The following SH3PXD2B variants were observed in gnomAD, a reference collection of about 807,000 sequenced individuals.
The protein encoded by SH3PXD2B is SH3 and PX domain-containing protein 2B.
SH3PXD2B carries 37 observed loss-of-function variants against 73.1 expected under a neutral mutation model. The ratio of observed to expected loss-of-function variants is 0.51; its 90% confidence interval spans 0.39 to 0.67. The LOEUF (loss-of-function observed/expected upper bound fraction) is 0.67. SH3PXD2B is among the 30% of genes least tolerant of loss of function. The probability of loss-of-function intolerance (pLI) is 0.00; values close to 1 mark genes in which losing one functional copy is unlikely to be tolerated. For missense variants in SH3PXD2B, 1,053 were observed against 1,197.8 expected, an observed-to-expected ratio of 0.88 and a Z score of 1.78; for synonymous variants, 457 against 480.5, an observed-to-expected ratio of 0.95 and a Z score of 0.64.
intron 5 of SH3PXD2B, 106 bp downstream of exon 5, chr5:172,381,930 C>T (rs549008637): frequency 8.8e-5 from 74 of 840,214 alleles, no homozygotes; most frequent in Admixed American, 7.0e-4. Flanking sequence ...GGGGCTCAGC[C>T]GACGAAACCC....
At chr5:172,450,521 GA>G (rs1759771681) in intron 1 of SH3PXD2B, among the ~76,000 whole-genome samples, 1 of 152,032 alleles carries the variant, frequency 6.6e-6, no homozygotes, top group African/African-American at 2.4e-5. Flanking sequence ...ATACCCATTT[GA>G]AAGGGACCCA....
chr5:172,376,508 C>T (rs1016871552), intron 5 of SH3PXD2B, among the ~76,000 whole-genome samples: 6 of 152,114 alleles, frequency 3.9e-5, no homozygotes, highest in Non-Finnish European at 7.4e-5. Context: ...GGTTTTTAAC[C>T]ACCATGTAAT....
intron 1 of SH3PXD2B, among the ~76,000 whole-genome samples, chr5:172,439,269 ACAAAAACAAAAC>A (rs1561583475): frequency 0.029 from 2,169 of 74,758 alleles, 130 homozygotes; most frequent in African/African-American, 0.098. Flanking sequence ...AAAAACAAAA[ACAAAAACAAAAC>A]AAAAAAAAAA....
intron 10 of SH3PXD2B, among the ~76,000 whole-genome samples, chr5:172,348,666 T>TCTATC (rs1554135146): frequency 1.0e-3 from 42 of 40,430 alleles, no homozygotes; most frequent in African/African-American, 3.1e-3. Flanking sequence ...TATCTATCTA[T>TCTATC]CTATCTATCT....
rs749255187 is a variant in SH3PXD2B at position 172,353,878 on chromosome 5, C to T, written c.785+10G>A. The T allele has an allele frequency of 6.0e-5, 96 of 1,608,970 alleles. No individual in the cohort carries two copies. In the South Asian group the frequency reaches 8.0e-4, roughly 13 times the overall value. ...CCCACCCAGCAACCGTGGGGGGCAG[C>T]GGCTGGTACCTGATCTTCCACCAGC... On this transcript the variant is annotated intron_variant, in intron 9 of 12. Coordinates refer to ENST00000311601, the MANE Select transcript of SH3PXD2B (RefSeq NM_001017995.3). This position sits in a 1 kb window ranked among gnomAD's most constrained non-coding sequence, Gnocchi z 4.3.
Position 172,334,757 on chromosome 5 carries a change from T to A in SH3PXD2B, c.*3612A>T. 1.0e-6 allele frequency: 1 copy of A among 985,464 alleles called. No individual in the cohort carries two copies. Among genetic ancestry groups the A allele is most frequent in the Non-Finnish European group, 1.2e-6 (1 of 829,942 alleles). 61.0% of individuals were successfully genotyped at this position (985,464 alleles called of 1,614,324 possible). On this transcript the variant is annotated 3_prime_UTR_variant, in exon 13 of 13. Coordinates refer to ENST00000311601, the MANE Select transcript of SH3PXD2B (RefSeq NM_001017995.3). ...GGGTACTTGGGAGAGGCGAAATAAA[T>A]ACCAGACTGTCCACTCCTCAGCCTA...
At chr5:172,389,568 C>CAAAAAAAAAAA (rs34351709) in intron 4 of SH3PXD2B, among the ~76,000 whole-genome samples, 1 of 103,618 alleles carries the variant, frequency 9.7e-6, no homozygotes, top group Non-Finnish European at 1.9e-5. Flanking sequence ...TCATCTCTAC[C>CAAAAAAAAAAA]AAAAAAAAAA....
At position 172,336,801 on chromosome 5, in the gene SH3PXD2B, C is replaced by T. The variant is rs1287651195; in HGVS notation, c.*1568G>A. ...GGGCTGGGAGCTAGAAATGCTGGGT[C>T]CTGATTTTGCTTCTGCAGTGATTTA... On this transcript the variant is annotated 3_prime_UTR_variant, in exon 13 of 13. Coordinates refer to ENST00000311601, the MANE Select transcript of SH3PXD2B (RefSeq NM_001017995.3). The T allele has an allele frequency of 1.0e-6, 1 of 985,580 alleles. No homozygotes were observed. Among genetic ancestry groups the T allele is most frequent in the East Asian group, 1.1e-4 (1 of 8,820 alleles). 61.1% of individuals were successfully genotyped at this position (985,580 alleles called of 1,614,324 possible).
At chr5:172,367,665 A>G (rs1411704478) in intron 6 of SH3PXD2B, among the ~76,000 whole-genome samples, 1 of 151,988 alleles carries the variant, frequency 6.6e-6, no homozygotes, top group Non-Finnish European at 1.5e-5. Context: ...TTGGAATAAG[A>G]CTCCTTTATA....
chr5:172,416,731 T>C (rs939242920), intron 2 of SH3PXD2B, among the ~76,000 whole-genome samples: 3 of 129,144 alleles, frequency 2.3e-5, no homozygotes, highest in Non-Finnish European at 3.2e-5. Context: ...TTTTTTGATA[T>C]AGGGTCTTGC....
intron 3 of SH3PXD2B, among the ~76,000 whole-genome samples, chr5:172,402,372 G>A (rs937737888): frequency 4.6e-5 from 7 of 151,980 alleles, no homozygotes; most frequent in African/African-American, 7.2e-5. Flanking sequence ...ATTTTGCCCC[G>A]GTCCTGTGAT....
intron 1 of SH3PXD2B, among the ~76,000 whole-genome samples, chr5:172,438,076 G>C (rs10067250): frequency 0.38 from 57,171 of 152,010 alleles, 10,863 homozygotes; most frequent in South Asian, 0.41. Context: ...TTAGGGGCCT[G>C]TGCAGTCTGC....
rs1756733208 is a variant in SH3PXD2B at position 172,337,534 on chromosome 5, G to A, written c.*835C>T. ...GGGTGCTCACAAGGGCACGACTTGT[G>A]AATGGGCCTCTTATTCAAACAAACT... On this transcript the variant is annotated 3_prime_UTR_variant, in exon 13 of 13. Coordinates refer to ENST00000311601, the MANE Select transcript of SH3PXD2B (RefSeq NM_001017995.3). 1.0e-6 allele frequency: 1 copy of A among 985,586 alleles called. No homozygotes were observed. Among genetic ancestry groups the A allele is most frequent in the Non-Finnish European group, 1.2e-6 (1 of 830,032 alleles). 61.1% of individuals were successfully genotyped at this position (985,586 alleles called of 1,614,324 possible).
At chr5:172,425,506 A>G (rs1759074133) in intron 1 of SH3PXD2B, among the ~76,000 whole-genome samples, 1 of 152,110 alleles carries the variant, frequency 6.6e-6, no homozygotes, top group Admixed American at 6.5e-5. Context: ...AGAGCTGAGG[A>G]AAGGGCGTAC....
At chr5:172,376,196 T>C (rs1757817972) in intron 5 of SH3PXD2B, among the ~76,000 whole-genome samples, 1 of 152,038 alleles carries the variant, frequency 6.6e-6, no homozygotes, top group South Asian at 2.1e-4. Context: ...CGCCTGGCTC[T>C]TTTTGTATTT....
intron 8 of SH3PXD2B, among the ~76,000 whole-genome samples, chr5:172,357,258 T>C (rs1757301490): frequency 6.6e-6 from 1 of 151,634 alleles, no homozygotes; most frequent in South Asian, 2.1e-4. Context: ...ACCCCGTTTC[T>C]ACTAAAAATA....
chr5:172,329,059 G>GTGTGTATATATATA, downstream of SH3PXD2B, among the ~76,000 whole-genome samples: 1 of 96,892 alleles, frequency 1.0e-5, no homozygotes, highest in African/African-American at 4.3e-5. Flanking sequence ...GTGTGTGTGT[G>GTGTGTATATATATA]TATATATATA....
rs148738159 is a variant in SH3PXD2B at position 172,339,119 on chromosome 5, G to A, written c.1986C>T (p.Asp662=). ...TEPPQGEDQV[D]ICNLRSKLRP... Reference sequence around the variant, plus strand: ...TGAGCTTACTCCTGAGGTTGCAGATGTCGACTTGGTCTTCGCCCTGAGGTG... The same window carrying A: ...TGAGCTTACTCCTGAGGTTGCAGATATCGACTTGGTCTTCGCCCTGAGGTG... Residue 662 remains aspartate, a synonymous_variant, in exon 13 of 13, where the codon GAC becomes GAT. Transcript: ENST00000311601. The surrounding 1 kb of genome is among the most constrained non-coding windows in gnomAD (Gnocchi z 6.1). 9.9e-6 allele frequency: 16 copies of A among 1,614,240 alleles called. No homozygotes were observed. Among genetic ancestry groups the A allele is most frequent in the Non-Finnish European group, 1.2e-5 (14 of 1,180,046 alleles).
rs558423689 is a variant in SH3PXD2B at position 172,419,293 on chromosome 5, C to T, written c.156+3123G>A. ...GCCTCGACATGTCAGCAATGAACAACATTTGCATAAGCACTTCCAGGGCCC... is the reference window on the plus strand; with the variant it reads ...GCCTCGACATGTCAGCAATGAACAATATTTGCATAAGCACTTCCAGGGCCC... On this transcript the variant is annotated intron_variant, in intron 2 of 12. Coordinates refer to ENST00000311601, the MANE Select transcript of SH3PXD2B (RefSeq NM_001017995.3). 2.6e-5 allele frequency among the ~76,000 whole-genome samples: 4 copies of T among 151,932 alleles called. No homozygotes were observed. The South Asian group carries it at 6.2e-4, about 24-fold the overall frequency.
Sources: allele counts gnomAD v4.1 joint callset (sites outside exome capture counted in the v4.1 genomes callset), GRCh38; gene constraint gnomAD v4.1.1; non-coding constraint Gnocchi (gnomAD v3.1); transcripts MANE v1.5; gene names NCBI Gene and HGNC (gene_info 2026-07-23, HGNC 2026-07-21).